The following SNTG2 variants were observed in gnomAD, a reference collection of about 807,000 sequenced individuals.
SNTG2 encodes syntrophin gamma 2.
A neutral mutation model predicts 70.9 loss-of-function variants in SNTG2; 74 were observed. The observed-to-expected ratio is 1.04, with a 90% CI of 0.86 to 1.27. SNTG2 has a LOEUF of 1.27. Ranked by LOEUF, SNTG2 falls within the 50% of genes most tolerant of loss-of-function variation. The probability of loss-of-function intolerance (pLI) is 0.00; values close to 1 mark genes in which losing one functional copy is unlikely to be tolerated. For missense variants in SNTG2, 717 were observed against 690.7 expected (o/e 1.04, Z -0.43); for synonymous variants, 278 against 273.8 (o/e 1.02, Z -0.15).
chr2:1,023,314 G>T (rs1051542290), intron 1 of SNTG2, among the ~76,000 whole-genome samples: 13 of 152,094 alleles, frequency 8.5e-5, no homozygotes, highest in African/African-American at 3.1e-4. Flanking sequence ...GTAGAAGGAT[G>T]TGGCTCCAAG....
intron 8 of SNTG2, among the ~76,000 whole-genome samples, chr2:1,186,469 G>A (rs770431828): frequency 6.6e-5 from 10 of 152,134 alleles, no homozygotes; most frequent in African/African-American, 2.4e-5. Context: ...TTGCTGTAAA[G>A]AAATACCTGA....
chr2:1,180,437 C>T (rs1671800245), intron 8 of SNTG2, among the ~76,000 whole-genome samples: 1 of 130,284 alleles, frequency 7.7e-6, no homozygotes, highest in Non-Finnish European at 1.6e-5. Context: ...CAAAAGAAGA[C>T]ATTTATGCAG....
chr2:1,024,147 G>A (rs1005243018), intron 1 of SNTG2, among the ~76,000 whole-genome samples: 2 of 152,058 alleles, frequency 1.3e-5, no homozygotes, highest in African/African-American at 4.8e-5. Context: ...GGCACCACAG[G>A]GGCCTCCCAG....
rs193265246 is a variant in SNTG2, at chr2:1,242,152, G to C, written c.888+2376G>C. Among the ~76,000 whole-genome samples, 8 of 152,228 alleles carry C rather than the reference G, an allele frequency of 5.3e-5. No homozygotes were observed. The East Asian group carries it at 1.5e-3, about 29-fold the overall frequency. On this transcript the variant is annotated intron_variant, in intron 11 of 16. Transcript: ENST00000308624. ...CCGGATGCGCTTTTGGTGGAGGATG[G>C]TTTCACGTTTTCTCCAAAAGTGGTG...
In SNTG2 at chr2:1,267,655, G is replaced by A. The variant is rs954514224; in HGVS notation, c.1284+84G>A. 48 of 1,223,072 alleles carry A rather than the reference G, an allele frequency of 3.9e-5. No individual in the cohort carries two copies. The Admixed American group carries it at 6.5e-4, about 17-fold the overall frequency. 75.8% of individuals were successfully genotyped at this position (1,223,072 alleles called of 1,614,324 possible). A position where few individuals can be genotyped will look rare whatever the true frequency, so the allele number is the denominator to read the frequency against. ...ATTGGGGAATATGTAGCAGTTTATC[G>A]GGGGAAAAGAGGAATCTTCAGAAGG... On this transcript the variant is annotated intron_variant, in intron 14 of 16. Coordinates refer to ENST00000308624, the MANE Select transcript of SNTG2 (RefSeq NM_018968.4).
At chr2:1,258,675 G>A (rs528886001) in intron 12 of SNTG2, among the ~76,000 whole-genome samples, 1 of 152,118 alleles carries the variant, frequency 6.6e-6, no homozygotes, top group Non-Finnish European at 1.5e-5. Flanking sequence ...CATCAAATTT[G>A]TTACATTGTT....
chr2:1,326,135 C>A (rs1158411474), intron 16 of SNTG2, among the ~76,000 whole-genome samples: 4 of 152,088 alleles, frequency 2.6e-5, no homozygotes, highest in Non-Finnish European at 5.9e-5. Flanking sequence ...ACCCAGCCGG[C>A]ATATCAGATT....
chr2:952,981 G>C (rs1660027930), intron 1 of SNTG2, among the ~76,000 whole-genome samples: 1 of 152,144 alleles, frequency 6.6e-6, no homozygotes, highest in African/African-American at 2.4e-5. Context: ...AGAGAACTTG[G>C]TGCTTTTAAC....
intron 1 of SNTG2, among the ~76,000 whole-genome samples, chr2:990,788 A>G (rs1484186179): frequency 4.6e-5 from 7 of 152,016 alleles, no homozygotes; most frequent in Admixed American, 4.6e-4. Flanking sequence ...GTGTACAATA[A>G]CTCTTTTTAT....
intron 2 of SNTG2, among the ~76,000 whole-genome samples, chr2:1,091,591 C>A (rs560874335): frequency 6.6e-6 from 1 of 152,188 alleles, no homozygotes; most frequent in South Asian, 2.1e-4. Context: ...CGGGGCCGCT[C>A]CCCCATGAAG....
At chr2:1,062,241 A>G (rs965531754) in intron 1 of SNTG2, among the ~76,000 whole-genome samples, 11 of 152,348 alleles carry the variant, frequency 7.2e-5, no homozygotes, top group Admixed American at 2.6e-4. Flanking sequence ...CTAAATTTGA[A>G]CATGATCAAG....
intron 14 of SNTG2, among the ~76,000 whole-genome samples, chr2:1,298,324 G>T (rs1035509779): frequency 3.3e-5 from 5 of 151,910 alleles, no homozygotes; most frequent in Non-Finnish European, 7.4e-5. Flanking sequence ...GGTAGAGATG[G>T]GGATTTTCCA....
intron 7 of SNTG2, among the ~76,000 whole-genome samples, chr2:1,172,443 G>A (rs1475301198): frequency 6.6e-6 from 1 of 152,186 alleles, no homozygotes; most frequent in Non-Finnish European, 1.5e-5. Flanking sequence ...GGTGGGAAGG[G>A]ACAATAAAGG....
At chr2:1,252,085 G>A (rs978771129) in intron 12 of SNTG2, among the ~76,000 whole-genome samples, 3 of 152,198 alleles carry the variant, frequency 2.0e-5, no homozygotes, top group Non-Finnish European at 4.4e-5. Flanking sequence ...CGCCCAGTAC[G>A]CAGAGAGCTC....
At chr2:1,283,804 T>A (rs1347991814) in intron 14 of SNTG2, among the ~76,000 whole-genome samples, 1 of 152,166 alleles carries the variant, frequency 6.6e-6, no homozygotes, top group African/African-American at 2.4e-5. Context: ...CGGCTTTTCC[T>A]GAATTAAAGC....
At position 1,283,878 on chromosome 2, in the gene SNTG2, C is replaced by T. The variant is rs574327778; in HGVS notation, c.1284+16307C>T. On this transcript the variant is annotated intron_variant, in intron 14 of 16. Coordinates refer to ENST00000308624, the MANE Select transcript of SNTG2 (RefSeq NM_018968.4). ...TTAAAGAGCCCGCTGTCTTCTTTAC[C>T]TATCCAAATATAAAATAGAGCTGCT... is the stretch of plus-strand genomic sequence containing the variant. Among the ~76,000 whole-genome samples the T allele has an allele frequency of 9.8e-5, 15 of 152,296 alleles. No individual in the cohort carries two copies. The East Asian group carries it at 1.9e-3, about 20-fold the overall frequency.
intron 14 of SNTG2, among the ~76,000 whole-genome samples, chr2:1,301,806 GTA>G (rs1313947710): frequency 6.6e-6 from 1 of 152,048 alleles, no homozygotes; most frequent in African/African-American, 2.4e-5. Flanking sequence ...AGAGAGTTTA[GTA>G]TCAGCAGATC....
At chr2:1,336,978 C>T (rs1454796937) in intron 16 of SNTG2, among the ~76,000 whole-genome samples, 1 of 151,972 alleles carries the variant, frequency 6.6e-6, no homozygotes, top group East Asian at 1.9e-4. Context: ...AATTTTTTTT[C>T]TGTTTCAGTC....
intron 2 of SNTG2, among the ~76,000 whole-genome samples, chr2:1,096,881 G>T (rs554136547): frequency 6.6e-6 from 1 of 152,158 alleles, no homozygotes; most frequent in African/African-American, 2.4e-5. Context: ...ATGAGAGCCC[G>T]TGGTATGGAT....
Sources: gnomAD v4.1 joint callset for allele counts (sites outside exome capture counted in the v4.1 genomes callset) on GRCh38, gnomAD v4.1.1 for gene constraint, MANE v1.5 for transcripts, NCBI Gene and HGNC (gene_info 2026-07-23, HGNC 2026-07-21) for gene names.